RIMS2: variants seen among roughly 807,000 people sequenced by gnomAD.
RIMS2 encodes the protein regulating synaptic membrane exocytosis protein 2.
RIMS2 carries 59 observed loss-of-function variants against 174.4 expected under a neutral mutation model. The observed-to-expected ratio is 0.34, with a 90% CI of 0.27 to 0.42. The LOEUF (loss-of-function observed/expected upper bound fraction) is 0.42, where lower values mean the gene tolerates loss of function less well. Ranked by LOEUF, RIMS2 falls within the 10% of genes least tolerant of loss-of-function variation. The probability of loss-of-function intolerance (pLI) is 1.00; values close to 1 mark genes in which losing one functional copy is unlikely to be tolerated. For synonymous variants in RIMS2, 606 were observed against 572.5 expected (o/e 1.06, Z -0.84); for missense variants, 1,620 against 1,666.3 (o/e 0.97, Z 0.48).
intron 19 of RIMS2, among the ~76,000 whole-genome samples, chr8:104,179,267 G>A (rs1250289726): frequency 6.6e-6 from 1 of 151,874 alleles, no homozygotes; most frequent in Admixed American, 6.6e-5. Flanking sequence ...AGCAAAATGG[G>A]GATTTTAATA....
intron 19 of RIMS2, among the ~76,000 whole-genome samples, chr8:104,034,301 C>A (rs1256726548): frequency 6.6e-6 from 1 of 151,866 alleles, no homozygotes; most frequent in Admixed American, 6.6e-5. Flanking sequence ...AACCAAGGAG[C>A]TAAATGGTAT....
intron 4 of RIMS2, among the ~76,000 whole-genome samples, chr8:103,887,865 G>T (rs1233044938): frequency 6.6e-6 from 1 of 151,632 alleles, no homozygotes; most frequent in Non-Finnish European, 1.5e-5. Context: ...ACATAAGGAA[G>T]ATGTGAGTAG....
chr8:104,165,510 T>G (rs2098791638), intron 19 of RIMS2, among the ~76,000 whole-genome samples: 1 of 152,096 alleles, frequency 6.6e-6, no homozygotes, highest in Non-Finnish European at 1.5e-5. Context: ...GGAATATTCG[T>G]GTGTGTCAGT....
chr8:104,145,221 A>G (rs2098624663), intron 19 of RIMS2, among the ~76,000 whole-genome samples: 1 of 152,136 alleles, frequency 6.6e-6, no homozygotes. Context: ...TAAATTGTAA[A>G]GTTGAAATGC....
chr8:103,781,069 C>T (rs927163792), intron 3 of RIMS2, among the ~76,000 whole-genome samples: 6 of 152,132 alleles, frequency 3.9e-5, no homozygotes, highest in African/African-American at 1.2e-4. Context: ...TGGCCAGGGG[C>T]TCATGCCCAG....
chr8:104,144,474 G>A (rs1209895704), intron 19 of RIMS2, among the ~76,000 whole-genome samples: 1 of 152,094 alleles, frequency 6.6e-6, no homozygotes, highest in Non-Finnish European at 1.5e-5. Context: ...CATAAAAGAA[G>A]AAGCGATGTT....
At chr8:103,653,451 C>G (rs1446086124) in intron 1 of RIMS2, among the ~76,000 whole-genome samples, 1 of 152,122 alleles carries the variant, frequency 6.6e-6, no homozygotes, top group Non-Finnish European at 1.5e-5. Flanking sequence ...TTCCAGTATT[C>G]TCCTGACAGT....
chr8:104,203,494 C>CTTT (rs10545100), intron 19 of RIMS2, among the ~76,000 whole-genome samples: 353 of 72,790 alleles, frequency 4.8e-3, no homozygotes, highest in East Asian at 0.011. Flanking sequence ...AGACACTGTA[C>CTTT]TTTTTTTTTT....
In RIMS2 at chr8:103,912,480, G is replaced by T. The variant is rs377267357; in HGVS notation, c.1812+308G>T. ...TTTAATTATACAGTTTATTCTTTAA[G>T]TCAAAATCTATGTTTATATTTTATT... On this transcript the variant is annotated intron_variant, in intron 6 of 23. Transcript: ENST00000504942. Among the ~76,000 whole-genome samples, 327 of 152,032 alleles carry T rather than the reference G, an allele frequency of 2.2e-3. 14 individuals carry two copies. In the South Asian group the frequency reaches 0.066, roughly 31 times the overall value.
At chr8:103,885,940 C>G (rs1223947733) in exon 4 of RIMS2, 2 of 1,613,086 alleles carry the variant, frequency 1.2e-6, no homozygotes. Flanking sequence ...ATAGACCAGA[C>G]TTGAGGCGTA....
At chr8:103,780,400 T>C (rs922312216) in intron 3 of RIMS2, among the ~76,000 whole-genome samples, 3 of 152,192 alleles carry the variant, frequency 2.0e-5, no homozygotes, top group African/African-American at 7.2e-5. Context: ...TCTGGTAATA[T>C]TCTATTTCAT....
At chr8:104,175,193 C>T (rs1403977038) in intron 19 of RIMS2, among the ~76,000 whole-genome samples, 1 of 152,104 alleles carries the variant, frequency 6.6e-6, no homozygotes, top group African/African-American at 2.4e-5. Flanking sequence ...ATTGTTTTAG[C>T]ATAAAAACTT....
intron 2 of RIMS2, among the ~76,000 whole-genome samples, chr8:103,709,915 A>G (rs1259249420): frequency 6.6e-6 from 1 of 152,110 alleles, no homozygotes; most frequent in Admixed American, 6.5e-5. Flanking sequence ...AAGTCTGAGG[A>G]TTTGTAAAGA....
At chr8:103,761,166 T>G (rs2098108927) in intron 2 of RIMS2, among the ~76,000 whole-genome samples, 1 of 152,078 alleles carries the variant, frequency 6.6e-6, no homozygotes. Context: ...CTAACCCACA[T>G]TACTTCATGG....
chr8:103,733,758 T>A, intron 2 of RIMS2, among the ~76,000 whole-genome samples: 1 of 152,110 alleles, frequency 6.6e-6, no homozygotes, highest in East Asian at 1.9e-4. Context: ...AACTCACAGA[T>A]TCTCTTTCCA....
chr8:103,787,687 C>G (rs1286577389), intron 3 of RIMS2, among the ~76,000 whole-genome samples: 2 of 152,176 alleles, frequency 1.3e-5, no homozygotes, highest in Non-Finnish European at 2.9e-5. Context: ...CGACCTTTCT[C>G]TCTGGCTGCC....
intron 1 of RIMS2, among the ~76,000 whole-genome samples, chr8:103,693,374 T>A (rs142896202): frequency 3.2e-4 from 49 of 152,308 alleles, no homozygotes; most frequent in African/African-American, 1.2e-3. Flanking sequence ...CTTTGGTCCT[T>A]ATGACCGTGC....
intron 19 of RIMS2, among the ~76,000 whole-genome samples, chr8:104,069,261 A>G (rs2097155898): frequency 6.6e-6 from 1 of 152,182 alleles, no homozygotes; most frequent in East Asian, 1.9e-4. Context: ...GATGTTCAGA[A>G]GATGTATTAA....
intron 1 of RIMS2, among the ~76,000 whole-genome samples, chr8:103,637,034 C>G (rs965927057): frequency 6.6e-6 from 1 of 152,156 alleles, no homozygotes; most frequent in African/African-American, 2.4e-5. Context: ...CTAGAAGGCT[C>G]TCTGAGATGT....
Sources: allele counts gnomAD v4.1 joint callset (sites outside exome capture counted in the v4.1 genomes callset), GRCh38; gene constraint gnomAD v4.1.1; transcripts MANE v1.5; gene names NCBI Gene and HGNC (gene_info 2026-07-23, HGNC 2026-07-21).